The following CDS1 variants were observed in gnomAD, a reference collection of about 807,000 sequenced individuals.
CDS1 encodes the protein phosphatidate cytidylyltransferase 1.
Under a neutral mutation model 62.1 loss-of-function variants are expected in CDS1, and 41 were observed. The ratio of observed to expected loss-of-function variants is 0.66; its 90% CI spans 0.51 to 0.86. The LOEUF is 0.86. Ranked by LOEUF, CDS1 falls within the 40% of genes least tolerant of loss-of-function variation. The pLI is 0.00. For missense variants in CDS1, 470 were observed against 550.1 expected, an observed-to-expected ratio of 0.85 and a Z score of 1.46; for synonymous variants, 185 against 192.6, an observed-to-expected ratio of 0.96 and a Z score of 0.32.
intron 1 of CDS1, among the ~76,000 whole-genome samples, chr4:84,589,376 A>C (rs1722512581): frequency 1.3e-5 from 2 of 152,194 alleles, no homozygotes; most frequent in Non-Finnish European, 2.9e-5. Flanking sequence ...GTGTTTTTGT[A>C]AATTACTTCT....
At position 84,636,036 on chromosome 4, in the gene CDS1, C is replaced by T. The variant is rs186560797; in HGVS notation, c.810+685C>T. Reference sequence around the variant, plus strand: ...CCTCCCAAAGTACTGGGATTAAAGGCGTGAGCCACCGCCCCTGGGCTCTGT... The same window carrying T: ...CCTCCCAAAGTACTGGGATTAAAGGTGTGAGCCACCGCCCCTGGGCTCTGT... On this transcript the variant is annotated intron_variant, in intron 8 of 12. Coordinates refer to ENST00000295887, the MANE Select transcript of CDS1 (RefSeq NM_001263.4). Among the ~76,000 whole-genome samples the T allele has an allele frequency of 8.5e-5, 13 of 152,138 alleles. No individual in the cohort carries two copies. The East Asian group carries it at 2.5e-3, about 30-fold the overall frequency.
rs1724410455 is a variant in CDS1, at chr4:84,642,294, C to G, written c.1033-730C>G. Among the ~76,000 whole-genome samples, 3 of 150,038 alleles carry G rather than the reference C, an allele frequency of 2.0e-5. No homozygotes were observed. The South Asian group carries it at 6.3e-4, about 32-fold the overall frequency. On this transcript the variant is annotated intron_variant, in intron 10 of 12. Coordinates refer to ENST00000295887, the MANE Select transcript of CDS1 (RefSeq NM_001263.4). ...TGAGCCGAGATTGCACCATTGCACT[C>G]TAGCCTGGGCAACAAGAGTGAAACT...
At position 84,648,470 on chromosome 4, in the gene CDS1, G is replaced by A. The variant is rs1228674703; in HGVS notation, c.1257-87G>A. The stretch of plus-strand genomic sequence containing the variant: ...AAAGATTCCTACTCTACACTTAAAG[G>A]AATGGTTTGTTTTAAATTGGAGGTA... On this transcript the variant is annotated intron_variant, in intron 12 of 12. Coordinates refer to ENST00000295887, the MANE Select transcript of CDS1 (RefSeq NM_001263.4). 8.9e-6 allele frequency: 11 copies of A among 1,235,998 alleles called. No homozygotes were observed. In the East Asian group the frequency reaches 1.9e-4, roughly 21 times the overall value. The allele number at this position is 1,235,998 out of a possible 1,614,324, so 76.6% of individuals were successfully genotyped here. A position where few individuals can be genotyped will look rare whatever the true frequency, so the allele number is the denominator to read the frequency against.
At chr4:84,602,573 C>T (rs959748947) in intron 1 of CDS1, among the ~76,000 whole-genome samples, 1 of 152,128 alleles carries the variant, frequency 6.6e-6, no homozygotes, top group Non-Finnish European at 1.5e-5. Flanking sequence ...GTCTCATGCT[C>T]TTTTTGTAGG....
chr4:84,609,648 G>C (rs915970157), intron 3 of CDS1, 123 bp downstream of exon 3: 7 of 633,552 alleles, frequency 1.1e-5, no homozygotes, highest in African/African-American at 1.8e-5. Context: ...AGAATATTTA[G>C]TTCCTTTAAG....
At chr4:84,637,752 A>G (rs1164042382) in intron 8 of CDS1, among the ~76,000 whole-genome samples, 1 of 152,218 alleles carries the variant, frequency 6.6e-6, no homozygotes, top group Non-Finnish European at 1.5e-5. Context: ...TGTATAATAT[A>G]CTTAGATAAT....
intron 10 of CDS1, among the ~76,000 whole-genome samples, 153 bp downstream of exon 10, chr4:84,641,143 T>C (rs1724371561): frequency 6.6e-6 from 1 of 152,174 alleles, no homozygotes; most frequent in African/African-American, 2.4e-5. Context: ...TGGCGTAATC[T>C]CAACTTACTG....
chr4:84,620,597 T>C (rs1330745883), intron 5 of CDS1, among the ~76,000 whole-genome samples: 1 of 152,170 alleles, frequency 6.6e-6, no homozygotes, highest in African/African-American at 2.4e-5. Context: ...TTTGTAATTT[T>C]TAAATTAAAA....
At chr4:84,645,419 G>C (rs1724528773) in intron 12 of CDS1, 94 bp downstream of exon 12, 1 of 744,070 alleles carries the variant, frequency 1.3e-6, no homozygotes, top group Admixed American at 2.2e-5. Context: ...TCCGTCAATG[G>C]TAATCTACAA....
At chr4:84,621,639 C>A (rs1449156878) in intron 5 of CDS1, among the ~76,000 whole-genome samples, 1 of 152,126 alleles carries the variant, frequency 6.6e-6, no homozygotes, top group African/African-American at 2.4e-5. Context: ...GTGGCCCAGG[C>A]TGGTCTCGAA....
At chr4:84,621,897 C>A (rs1560475962) in intron 5 of CDS1, among the ~76,000 whole-genome samples, 1 of 152,108 alleles carries the variant, frequency 6.6e-6, no homozygotes, top group Non-Finnish European at 1.5e-5. Flanking sequence ...AAATTCTGAC[C>A]AGTTGGAAGG....
chr4:84,621,802 C>G (rs1034474443), intron 5 of CDS1, among the ~76,000 whole-genome samples: 3 of 152,130 alleles, frequency 2.0e-5, no homozygotes, highest in Non-Finnish European at 4.4e-5. Context: ...ACTGCTATAT[C>G]TATAGAAAGT....
chr4:84,633,799 C>A, intron 6 of CDS1, 58 bp from the exon 7 acceptor site: 1 of 1,083,912 alleles, frequency 9.2e-7, no homozygotes, highest in Non-Finnish European at 1.3e-6. Context: ...GCTGTTGCTT[C>A]TTCAGCTGCA....
chr4:84,609,045 G>A (rs1009116530), intron 2 of CDS1, among the ~76,000 whole-genome samples: 30 of 151,948 alleles, frequency 2.0e-4, no homozygotes, highest in Non-Finnish European at 3.5e-4. Context: ...CGGGTGTGGT[G>A]GCGGGCACCT....
chr4:84,612,543 A>G (rs941014367), intron 3 of CDS1, among the ~76,000 whole-genome samples: 8 of 152,214 alleles, frequency 5.3e-5, no homozygotes, highest in Non-Finnish European at 1.2e-4. Flanking sequence ...ACATGCATGC[A>G]TACATTTGGA....
At chr4:84,589,663 G>A (rs537115594) in intron 1 of CDS1, among the ~76,000 whole-genome samples, 16 of 152,168 alleles carry the variant, frequency 1.1e-4, no homozygotes, top group African/African-American at 3.4e-4. Flanking sequence ...CCAAAATATC[G>A]GCAACCCAGC....
chr4:84,638,834 T>G, intron 8 of CDS1, 90 bp from the exon 9 acceptor site: 1 of 325,932 alleles, frequency 3.1e-6, no homozygotes, highest in Non-Finnish European at 5.4e-6. Flanking sequence ...GTACAAGTTA[T>G]TGAGGAAATA....
chr4:84,589,938 G>A (rs568401651), intron 1 of CDS1, among the ~76,000 whole-genome samples: 1 of 152,268 alleles, frequency 6.6e-6, no homozygotes, highest in Non-Finnish European at 1.5e-5. Context: ...AGCCTCCGAC[G>A]TAGCTGGGAC....
intron 1 of CDS1, among the ~76,000 whole-genome samples, chr4:84,589,504 G>T (rs1018634224): frequency 1.2e-4 from 19 of 152,158 alleles, no homozygotes; most frequent in African/African-American, 4.6e-4. Flanking sequence ...TTTAGATCTA[G>T]ATTTCTGGAC....
Sources: gnomAD v4.1 joint callset for allele counts (sites outside exome capture counted in the v4.1 genomes callset) on GRCh38, gnomAD v4.1.1 for gene constraint, MANE v1.5 for transcripts, NCBI Gene and HGNC (gene_info 2026-07-23, HGNC 2026-07-21) for gene names.